DAB1: variants seen among roughly 807,000 people sequenced by gnomAD.
The protein encoded by DAB1 is disabled homolog 1.
DAB1 carries 15 observed loss-of-function variants against 64.6 expected under a neutral mutation model. The observed-to-expected ratio is 0.23, with a 90% CI of 0.16 to 0.36. The LOEUF is 0.36. Among genes scored for constraint, DAB1 ranks in the 10% least tolerant of loss-of-function variants. DAB1 has a pLI of 1.00. For missense variants in DAB1, 596 were observed against 706.7 expected (o/e 0.84, Z 1.78); for synonymous variants, 235 against 251.9 (o/e 0.93, Z 0.64).
intron 1 of DAB1, among the ~76,000 whole-genome samples, chr1:57,354,935 C>T (rs1326582689): frequency 2.6e-5 from 4 of 152,084 alleles, no homozygotes; most frequent in Non-Finnish European, 5.9e-5. Context: ...TGTGTACAGG[C>T]ATTTTCCTCC....
At chr1:58,404,541 TAA>T (rs1175489283) in intron 3 of DAB1, among the ~76,000 whole-genome samples, 6 of 152,152 alleles carry the variant, frequency 3.9e-5, no homozygotes, top group Admixed American at 3.9e-4. Flanking sequence ...TTACCTAGAT[TAA>T]GTTTGTCTCC....
intron 7 of DAB1, among the ~76,000 whole-genome samples, chr1:57,623,861 AG>A (rs1156941321): frequency 6.6e-6 from 1 of 152,196 alleles, no homozygotes; most frequent in East Asian, 1.9e-4. Context: ...GTGAAGAAAG[AG>A]GTCCAGATAG....
intron 7 of DAB1, among the ~76,000 whole-genome samples, chr1:57,611,769 T>C (rs1217830062): frequency 6.6e-6 from 1 of 152,202 alleles, no homozygotes; most frequent in Non-Finnish European, 1.5e-5. Flanking sequence ...CCTTGCTACA[T>C]CTACTCTTGC....
intron 6 of DAB1, among the ~76,000 whole-genome samples, chr1:57,708,345 G>A (rs979028573): frequency 3.9e-5 from 6 of 152,154 alleles, no homozygotes; most frequent in Admixed American, 6.5e-5. Flanking sequence ...GTTGTAAGAC[G>A]TCGTTCTCTG....
intron 5 of DAB1, among the ~76,000 whole-genome samples, chr1:57,988,076 C>T (rs978500041): frequency 6.6e-6 from 1 of 151,992 alleles, no homozygotes; most frequent in Non-Finnish European, 1.5e-5. Flanking sequence ...GAACCCAATC[C>T]CACCCAGAAG....
chr1:57,670,638 C>T (rs1383456185), intron 6 of DAB1, among the ~76,000 whole-genome samples: 2 of 152,068 alleles, frequency 1.3e-5, no homozygotes, highest in Non-Finnish European at 2.9e-5. Flanking sequence ...GGTAGAACAA[C>T]ATAAAATCCT....
At chr1:58,175,104 C>A (rs978141051) in intron 4 of DAB1, among the ~76,000 whole-genome samples, 2 of 152,228 alleles carry the variant, frequency 1.3e-5, no homozygotes. Context: ...TTTCACTCTT[C>A]ACAATAAATC....
chr1:57,691,661 C>A (rs1646765892), intron 6 of DAB1, among the ~76,000 whole-genome samples: 1 of 152,096 alleles, frequency 6.6e-6, no homozygotes, highest in Non-Finnish European at 1.5e-5. Flanking sequence ...TCTAAAGGAA[C>A]AAACTCTGGA....
At chr1:57,448,809 AAC>A (rs775132618) in intron 7 of DAB1, among the ~76,000 whole-genome samples, 2 of 151,754 alleles carry the variant, frequency 1.3e-5, no homozygotes, top group Non-Finnish European at 2.9e-5. Context: ...TGCACACACA[AAC>A]ACACACACTG....
At chr1:57,083,734 T>C (rs1367003832) in intron 4 of DAB1, among the ~76,000 whole-genome samples, 1 of 152,132 alleles carries the variant, frequency 6.6e-6, no homozygotes, top group Non-Finnish European at 1.5e-5. Flanking sequence ...TCTTCATTTG[T>C]AAAATGAGGT....
rs115210789 is a variant in DAB1 at position 57,761,638 on chromosome 1, C to T, written n.552-111973G>A. ...TCTCATTCCCCCTCCCCTCTAAATACGAGCAGCCCAGCTGCGAACATGACT... is the reference window on the plus strand; with the variant it reads ...TCTCATTCCCCCTCCCCTCTAAATATGAGCAGCCCAGCTGCGAACATGACT... On this transcript the variant is annotated intron_variant and non_coding_transcript_variant, in intron 6 of 20. Coordinates refer to the DAB1 transcript ENST00000485760. Among the ~76,000 whole-genome samples the T allele has an allele frequency of 4.5e-3, 693 of 152,322 alleles. 6 individuals carry two copies. The highest frequency in any genetic ancestry group is 0.016 in the African/African-American group (659 of 41,576).
At chr1:57,616,969 G>C (rs1377217696) in intron 7 of DAB1, among the ~76,000 whole-genome samples, 1 of 152,124 alleles carries the variant, frequency 6.6e-6, no homozygotes, top group East Asian at 1.9e-4. Context: ...AAGGAATTTT[G>C]ACTTGAGTGT....
intron 7 of DAB1, 81 bp downstream of exon 7, chr1:57,070,942 T>C (rs1349937222): frequency 8.2e-7 from 1 of 1,226,686 alleles, no homozygotes; most frequent in African/African-American, 1.5e-5. Flanking sequence ...GTCAGTGGAT[T>C]CTTCAGGTTT....
Position 57,023,558 on chromosome 1 carries a change from G to C in DAB1, c.868C>G (p.Pro290Ala), listed in dbSNP as rs991105751. 4 of 1,609,378 alleles carry C rather than the reference G, an allele frequency of 2.5e-6. No homozygotes were observed. Among genetic ancestry groups the C allele is most frequent in the Non-Finnish European group, 3.4e-6 (4 of 1,177,704 alleles). ...GAGGGTACAGCAGCAGTGCCGAAAG[G>C]TACAGAACTAAACACATCTGCACTC... ...PASADVFSSV[P>A]FGTAAVPSGY... The change falls in exon 11 of 15, where the codon CCT becomes GCT. Residue 290 changes from proline to alanine, a missense_variant. By Grantham distance (27) the Pro-to-Ala change is conservative. Coordinates refer to ENST00000371236, the MANE Select transcript of DAB1 (RefSeq NM_001365792.1).
At chr1:57,662,179 C>CTTTGTTTG (rs369739263) in intron 6 of DAB1, among the ~76,000 whole-genome samples, 2 of 151,784 alleles carry the variant, frequency 1.3e-5, no homozygotes, top group South Asian at 4.2e-4. Context: ...GAATGTTGTT[C>CTTTGTTTG]TTTGTTTGTT....
intron 1 of DAB1, among the ~76,000 whole-genome samples, chr1:57,330,015 T>A (rs1676522166): frequency 6.6e-6 from 1 of 152,184 alleles, no homozygotes; most frequent in Non-Finnish European, 1.5e-5. Flanking sequence ...ATGTTTTTAA[T>A]GTTTTATGCT....
At position 58,295,391 on chromosome 1, in the gene DAB1, G is replaced by A. The variant is rs117468810; in HGVS notation, n.309+47961C>T. ...GCCATAGCAAAATTTATTTCTAGAT[G>A]TCCTCGTTCCATGGGAGTGGAGGTG... On this transcript the variant is annotated intron_variant and non_coding_transcript_variant, in intron 4 of 20. Coordinates refer to the DAB1 transcript ENST00000485760. Among the ~76,000 whole-genome samples, 16 of 152,200 alleles carry A rather than the reference G, an allele frequency of 1.1e-4. No individual in the cohort carries two copies. The East Asian group carries it at 3.1e-3, about 29-fold the overall frequency.
intron 4 of DAB1, among the ~76,000 whole-genome samples, chr1:58,236,728 G>A (rs1335366210): frequency 2.0e-5 from 3 of 152,230 alleles, no homozygotes; most frequent in Non-Finnish European, 4.4e-5. Flanking sequence ...ACGGCCCTGG[G>A]AGGCTGAAGC....
chr1:57,465,502 A>G (rs1686927392), intron 7 of DAB1, among the ~76,000 whole-genome samples: 1 of 152,224 alleles, frequency 6.6e-6, no homozygotes, highest in Non-Finnish European at 1.5e-5. Context: ...TACTTGAAAG[A>G]GCTAAATAAA....
Sources: allele counts gnomAD v4.1 joint callset (sites outside exome capture counted in the v4.1 genomes callset), GRCh38; gene constraint gnomAD v4.1.1; transcripts MANE v1.5; gene names NCBI Gene and HGNC (gene_info 2026-07-23, HGNC 2026-07-21).